The following TRHDE variants were observed in gnomAD, a reference collection of about 807,000 sequenced individuals.
The protein encoded by TRHDE is thyrotropin-releasing hormone-degrading ectoenzyme.
A neutral mutation model predicts 125.7 loss-of-function variants in TRHDE; 72 were observed. The ratio of observed to expected loss-of-function variants is 0.57; its 90% CI spans 0.47 to 0.70. The LOEUF (loss-of-function observed/expected upper bound fraction) is 0.70, where lower values mean the gene tolerates loss of function less well. Ranked by LOEUF, TRHDE falls within the 30% of genes least tolerant of loss-of-function variation. The pLI is 0.00. For missense variants in TRHDE, 1,110 were observed against 1,327.1 expected, an observed-to-expected ratio of 0.84 and a Z score of 2.54; for synonymous variants, 509 against 509.1, an observed-to-expected ratio of 1.00 and a Z score of 0.00.
At chr12:72,361,391 G>C (rs958895966) in intron 2 of TRHDE, among the ~76,000 whole-genome samples, 4 of 151,650 alleles carry the variant, frequency 2.6e-5, no homozygotes, top group African/African-American at 7.3e-5. Flanking sequence ...AATGCCAATA[G>C]TAATATTTGA....
intron 2 of TRHDE, among the ~76,000 whole-genome samples, chr12:72,329,191 T>C (rs1403280559): frequency 6.6e-6 from 1 of 152,204 alleles, no homozygotes; most frequent in African/African-American, 2.4e-5. Flanking sequence ...TATTGTCTAC[T>C]ATGTTAAATG....
rs751243542 is a variant in TRHDE, at chr12:72,495,060, GTTT to G, written c.1585-4414_1585-4412del. Among the ~76,000 whole-genome samples, 34 of 58,390 alleles carry G rather than the reference GTTT, an allele frequency of 5.8e-4. No homozygotes were observed. In the South Asian group the frequency reaches 0.011, roughly 19 times the overall value. 38.3% of individuals were successfully genotyped at this position (58,390 alleles called of 152,430 possible). On this transcript the variant is annotated intron_variant, in intron 5 of 18. Transcript: ENST00000261180. ...CATTTCTGTCAATAGTTCCTCCCCC[GTTT>G]TTTTTTTTTTTTTTTTTTTTTTTAA...
At chr12:72,503,968 A>G (rs1375255663) in intron 6 of TRHDE, among the ~76,000 whole-genome samples, 2 of 152,212 alleles carry the variant, frequency 1.3e-5, no homozygotes, top group Non-Finnish European at 2.9e-5. Context: ...CAAAAGTCCC[A>G]GAGTGGGTAG....
At position 72,663,033 on chromosome 12, in the gene TRHDE, T is replaced by TA; in HGVS notation, c.3067-14dup. On this transcript the variant is annotated intron_variant, in intron 18 of 18. Transcript: ENST00000261180. ...TTTTAAGACAGGCAGATTTACCATT[T>TA]AAAAATTTCTCTTTCCAGCTCAAGA... 6.3e-7 allele frequency: 1 copy of TA among 1,595,104 alleles called. No homozygotes were observed. Among genetic ancestry groups the TA allele is most frequent in the Non-Finnish European group, 8.5e-7 (1 of 1,170,716 alleles).
At chr12:72,162,993 G>T (rs12296249) in intron 2 of TRHDE, 4 of 151,468 alleles carry the variant, frequency 2.6e-5, no homozygotes, top group African/African-American at 9.7e-5. Context: ...AACTGTCTGA[G>T]AATCAAGGAA....
At chr12:72,545,017 T>C (rs1020512930) in intron 7 of TRHDE, among the ~76,000 whole-genome samples, 1 of 151,506 alleles carries the variant, frequency 6.6e-6, no homozygotes, top group Admixed American at 6.6e-5. Context: ...GGTTCAGCTA[T>C]GAGAAAGTTT....
intron 1 of TRHDE, among the ~76,000 whole-genome samples, chr12:72,089,883 A>T (rs1399589377): frequency 6.6e-6 from 1 of 152,214 alleles, no homozygotes; most frequent in African/African-American, 2.4e-5. Context: ...GTGCTTGGCA[A>T]GTGGTGAACA....
intron 2 of TRHDE, among the ~76,000 whole-genome samples, chr12:72,107,593 A>G (rs1289817329): frequency 6.6e-6 from 1 of 152,020 alleles, no homozygotes; most frequent in Non-Finnish European, 1.5e-5. Flanking sequence ...TCTGTTTTCT[A>G]TCTTCCACAA....
chr12:72,516,722 C>A (rs2135955954), intron 6 of TRHDE, among the ~76,000 whole-genome samples: 1 of 150,724 alleles, frequency 6.6e-6, no homozygotes, highest in African/African-American at 2.4e-5. Flanking sequence ...TGTCTTGTGC[C>A]AGTTTTCAAA....
intron 15 of TRHDE, among the ~76,000 whole-genome samples, chr12:72,625,116 C>A (rs1010280372): frequency 5.3e-5 from 8 of 151,748 alleles, no homozygotes; most frequent in Non-Finnish European, 1.2e-4. Flanking sequence ...TATTTAAAAT[C>A]TCTTTGTTAA....
At chr12:72,561,151 T>C (rs1870157325) in intron 7 of TRHDE, among the ~76,000 whole-genome samples, 1 of 152,210 alleles carries the variant, frequency 6.6e-6, no homozygotes. Flanking sequence ...TGCCATTTGC[T>C]GTGCTGTGAG....
intron 2 of TRHDE, among the ~76,000 whole-genome samples, chr12:72,140,654 A>G (rs1461864977): frequency 6.6e-6 from 1 of 152,168 alleles, no homozygotes; most frequent in Non-Finnish European, 1.5e-5. Context: ...TGAGAATATA[A>G]TTATTTTTAT....
At chr12:72,482,649 A>G (rs1877225040) in intron 5 of TRHDE, among the ~76,000 whole-genome samples, 1 of 151,744 alleles carries the variant, frequency 6.6e-6, no homozygotes, top group African/African-American at 2.4e-5. Flanking sequence ...TGTTCTTTTG[A>G]TTGTAGTGGC....
In TRHDE at chr12:72,169,167, G is replaced by A. The variant is rs1197997380; in HGVS notation, n.279+63415G>A. On this transcript the variant is annotated intron_variant and non_coding_transcript_variant, in intron 2 of 4. Transcript: ENST00000548156. ...TTTTTTTTTTTTTAAAGAAGACCAA[G>A]TGTTCAATTCTACAAACCAGTGGAA... 2.7e-5 allele frequency among the ~76,000 whole-genome samples: 4 copies of A among 150,748 alleles called. No homozygotes were observed. The East Asian group carries it at 5.8e-4, about 22-fold the overall frequency.
chr12:72,453,339 G>A (rs1018386826), intron 3 of TRHDE, among the ~76,000 whole-genome samples: 1 of 152,202 alleles, frequency 6.6e-6, no homozygotes, highest in Non-Finnish European at 1.5e-5. Flanking sequence ...GAACTTGAGA[G>A]TGATTACCTA....
chr12:72,623,783 T>C (rs183754061), intron 15 of TRHDE, among the ~76,000 whole-genome samples: 68 of 152,116 alleles, frequency 4.5e-4, no homozygotes, highest in Middle Eastern at 3.4e-3. Context: ...TAGATGGGAA[T>C]TGCAGACAGA....
chr12:72,408,436 G>A (rs930529275), intron 3 of TRHDE, among the ~76,000 whole-genome samples: 3 of 152,054 alleles, frequency 2.0e-5, no homozygotes, highest in Non-Finnish European at 2.9e-5. Context: ...TTGCAGAAAG[G>A]TATTTTCATC....
chr12:72,174,143 C>T (rs1404648994), intron 2 of TRHDE, among the ~76,000 whole-genome samples: 1 of 152,098 alleles, frequency 6.6e-6, no homozygotes, highest in Non-Finnish European at 1.5e-5. Context: ...ATGTGTCTGC[C>T]ACCACGTGAA....
At chr12:72,466,050 C>T (rs1053735716) in intron 3 of TRHDE, among the ~76,000 whole-genome samples, 2 of 152,094 alleles carry the variant, frequency 1.3e-5, no homozygotes, top group East Asian at 1.9e-4. Flanking sequence ...TCTTGTTACC[C>T]AGGCCTGACT....
Sources: allele counts gnomAD v4.1 joint callset (sites outside exome capture counted in the v4.1 genomes callset), GRCh38; gene constraint gnomAD v4.1.1; transcripts MANE v1.5; gene names NCBI Gene and HGNC (gene_info 2026-07-23, HGNC 2026-07-21).